The following PRUNE2 variants were observed in gnomAD, a reference collection of about 807,000 sequenced individuals.
PRUNE2 encodes protein prune homolog 2.
In PRUNE2, 164 loss-of-function variants were observed where a neutral mutation model predicts 252.0. The ratio of observed to expected loss-of-function variants is 0.65; its 90% confidence interval spans 0.57 to 0.74. The LOEUF is 0.74. PRUNE2 is among the 30% of genes least tolerant of loss of function. PRUNE2 has a pLI of 0.00. For synonymous variants in PRUNE2, 1,292 were observed against 1,350.2 expected (o/e 0.96, Z 0.94); for missense variants, 3,495 against 3,711.0 (o/e 0.94, Z 1.51).
At position 76,710,691 on chromosome 9, in the gene PRUNE2, G is replaced by C. The variant is rs1440605753; in HGVS notation, c.1583C>G (p.Ser528Ter). The C allele has an allele frequency of 1.2e-6, 2 of 1,612,692 alleles. No individual in the cohort carries two copies. Among genetic ancestry groups the C allele is most frequent in the Admixed American group, 1.7e-5 (1 of 59,882 alleles). Residue 528 changes from serine to a stop codon, truncating the protein, a stop_gained, in exon 8 of 19, where the codon TCA becomes TGA. Transcript: ENST00000376718. LOFTEE classifies it high-confidence loss of function. ...ADDFFPNSDL[S>*]EGQLPAGPEG... is the part of the protein sequence containing the mutation. ...AGGCCCAGCGGGGAGCTGTCCTTCTGACAGGTCACTGTTGGGGAAGAAGTC... is the reference window on the plus strand; with the variant it reads ...AGGCCCAGCGGGGAGCTGTCCTTCTCACAGGTCACTGTTGGGGAAGAAGTC...
intron 6 of PRUNE2, among the ~76,000 whole-genome samples, chr9:76,768,818 T>C (rs1416753651): frequency 6.6e-6 from 1 of 152,210 alleles, no homozygotes; most frequent in African/African-American, 2.4e-5. Context: ...GGTATGAGAC[T>C]CTGTATGGAT....
intron 9 of PRUNE2, among the ~76,000 whole-genome samples, chr9:76,670,512 C>A (rs1183312748): frequency 6.6e-6 from 1 of 151,728 alleles, no homozygotes; most frequent in Non-Finnish European, 1.5e-5. Context: ...ATTAGGTAAA[C>A]AAAGCAGCCA....
chr9:76,823,793 G>A (rs1351362495), intron 5 of PRUNE2, 67 bp from the exon 6 acceptor site: 8 of 938,592 alleles, frequency 8.5e-6, no homozygotes, highest in South Asian at 4.3e-5. Context: ...AATATCAAGC[G>A]ATGTTTTGAA....
chr9:76,705,955 T>C lies in PRUNE2; in HGVS notation c.6319A>G (p.Ile2107Val), dbSNP rs756736564. The C allele has an allele frequency of 4.3e-6, 7 of 1,614,000 alleles. No homozygotes were observed. Among genetic ancestry groups the C allele is most frequent in the Admixed American group, 3.3e-5 (2 of 60,024 alleles). The change falls in exon 8 of 19, where the codon ATA becomes GTA. Residue 2107 changes from isoleucine to valine, a missense_variant. Ile to Val is a conservative substitution (Grantham distance 29). Coordinates refer to ENST00000376718, the MANE Select transcript of PRUNE2 (RefSeq NM_015225.3). ...SNSQASDSPD[I>V]CHDSEAKQET... ...TGCTTTGCTTCAGAATCGTGACATA[T>C]ATCAGGGCTGTCGGAAGCCTGAGAA...
intron 4 of PRUNE2, among the ~76,000 whole-genome samples, chr9:76,831,996 C>G (rs1471489135): frequency 2.6e-5 from 4 of 151,978 alleles, no homozygotes; most frequent in Non-Finnish European, 5.9e-5. Flanking sequence ...GACTACAAAA[C>G]AAGAAGAATT....
At chr9:76,845,000 TAAAAA>T (rs55754002) in intron 4 of PRUNE2, among the ~76,000 whole-genome samples, 136 of 60,752 alleles carry the variant, frequency 2.2e-3, no homozygotes, top group African/African-American at 7.5e-3. Context: ...CCCCCTCTCT[TAAAAA>T]AAAAAAAAAA....
chr9:76,898,042 A>T (rs1468000014), intron 1 of PRUNE2, among the ~76,000 whole-genome samples: 3 of 152,170 alleles, frequency 2.0e-5, no homozygotes, highest in Non-Finnish European at 4.4e-5. Flanking sequence ...GTTCTCATTT[A>T]CAGATGATGA....
chr9:76,706,169 C>G lies in PRUNE2; in HGVS notation c.6105G>C (p.Trp2035Cys), dbSNP rs767248277. 5.0e-6 allele frequency: 8 copies of G among 1,613,930 alleles called. No homozygotes were observed. In the South Asian group the frequency reaches 8.8e-5, roughly 18 times the overall value. The change falls in exon 8 of 19, where the codon TGG becomes TGC. Residue 2035 changes from tryptophan (W) to cysteine (C), a missense_variant. Physicochemically the swap from Trp to Cys is radical, Grantham distance 215 (BLOSUM62 -2). Coordinates refer to ENST00000376718, the MANE Select transcript of PRUNE2 (RefSeq NM_015225.3). ...TQLIMKPGSE[W>C]DGSTPSEDSR... The stretch of plus-strand genomic sequence containing the variant: ...AGTCCTCACTTGGGGTAGAGCCATC[C>G]CATTCAGAGCCTGGCTTCATTATCA...
intron 9 of PRUNE2, chr9:76,687,687 C>G (rs1355315171): frequency 5.3e-6 from 2 of 376,424 alleles, no homozygotes; most frequent in South Asian, 3.9e-5. Flanking sequence ...AGTCCTAGAG[C>G]CATATGGAAA....
intron 16 of PRUNE2, among the ~76,000 whole-genome samples, chr9:76,626,551 A>G (rs1834852096): frequency 6.6e-6 from 1 of 152,232 alleles, no homozygotes; most frequent in Non-Finnish European, 1.5e-5. Flanking sequence ...TTTCTCCAGA[A>G]AAAAATTTTT....
chr9:76,861,672 C>T (rs552079133), intron 1 of PRUNE2, among the ~76,000 whole-genome samples: 137 of 152,192 alleles, frequency 9.0e-4, no homozygotes, highest in African/African-American at 3.1e-3. Flanking sequence ...ATCTTGAAAA[C>T]AAAGTTTTCT....
At chr9:76,734,458 C>T (rs1388404945) in intron 6 of PRUNE2, among the ~76,000 whole-genome samples, 1 of 152,202 alleles carries the variant, frequency 6.6e-6, no homozygotes, top group African/African-American at 2.4e-5. Flanking sequence ...CTTCTCATTA[C>T]ACAACTTTGG....
At chr9:76,818,854 TA>T (rs2057856683) in intron 6 of PRUNE2, among the ~76,000 whole-genome samples, 1 of 152,188 alleles carries the variant, frequency 6.6e-6, no homozygotes, top group Admixed American at 6.5e-5. Flanking sequence ...TAGTATACAT[TA>T]GGGGTTGAAT....
intron 9 of PRUNE2, among the ~76,000 whole-genome samples, chr9:76,669,377 T>C (rs1382487762): frequency 6.6e-6 from 1 of 152,114 alleles, no homozygotes; most frequent in African/African-American, 2.4e-5. Flanking sequence ...TGGAGTGCAG[T>C]GGCGTGATCT....
rs1199307085 is a variant in PRUNE2, at chr9:76,689,088, T to A, written c.8276+14249A>T. 2.0e-5 allele frequency among the ~76,000 whole-genome samples: 3 copies of A among 152,158 alleles called. No homozygotes were observed. The East Asian group carries it at 5.8e-4, about 29-fold the overall frequency. ...CTCTTATGGAATTGATTTCACTCTG[T>A]CCTTCACAGCCATTTATTTTACTCT... On this transcript the variant is annotated intron_variant, in intron 9 of 18. Transcript: ENST00000376718.
chr9:76,710,212 C>A lies in PRUNE2; in HGVS notation c.2062G>T (p.Glu688Ter), dbSNP rs574606836. 6.2e-7 allele frequency: 1 copy of A among 1,613,948 alleles called. No homozygotes were observed. The highest frequency in any genetic ancestry group is 1.1e-5 in the South Asian group (1 of 91,078). The change falls in exon 8 of 19, where the codon GAG (glutamate) becomes TAG (stop). Residue 688 changes from glutamate to a stop codon, truncating the protein, a stop_gained. Coordinates refer to ENST00000376718, the MANE Select transcript of PRUNE2 (RefSeq NM_015225.3). LOFTEE classifies it high-confidence loss of function. ...CTATCAATGGAGCTTGGCTTATGCTCTTTCCATGATTCAGGGCTCTGGAAA... is the reference window on the plus strand; with the variant it reads ...CTATCAATGGAGCTTGGCTTATGCTATTTCCATGATTCAGGGCTCTGGAAA... ...SVFQSPESWK[E>*]HKPSSIDRRA...
intron 6 of PRUNE2, among the ~76,000 whole-genome samples, chr9:76,769,642 C>A (rs1225948943): frequency 1.3e-5 from 2 of 152,170 alleles, no homozygotes; most frequent in Admixed American, 6.5e-5. Context: ...TCAGGCTGGA[C>A]TCGAACTCCC....
At chr9:76,757,168 C>T (rs1271262882) in intron 6 of PRUNE2, among the ~76,000 whole-genome samples, 1 of 152,196 alleles carries the variant, frequency 6.6e-6, no homozygotes, top group African/African-American at 2.4e-5. Flanking sequence ...CAGGAGATGG[C>T]TCACCATTCA....
intron 12 of PRUNE2, among the ~76,000 whole-genome samples, chr9:76,638,950 C>T (rs1841346150): frequency 6.6e-6 from 1 of 152,142 alleles, no homozygotes; most frequent in Non-Finnish European, 1.5e-5. Context: ...TATTTTACTA[C>T]CATGTAATCA....
Sources: gnomAD v4.1 joint callset for allele counts (sites outside exome capture counted in the v4.1 genomes callset) on GRCh38, gnomAD v4.1.1 for gene constraint, MANE v1.5 for transcripts, NCBI Gene and HGNC (gene_info 2026-07-23, HGNC 2026-07-21) for gene names.